MITD1: variants seen among roughly 807,000 people sequenced by gnomAD.
MITD1 encodes the protein MIT domain-containing protein 1.
In MITD1, 24 loss-of-function variants were observed where a neutral mutation model predicts 34.9. That is an observed-to-expected ratio of 0.69 (90% CI 0.50 to 0.97). The LOEUF is 0.97. Among genes scored for constraint, MITD1 ranks in the 50% least tolerant of loss-of-function variants. The probability of loss-of-function intolerance (pLI) is 0.00; values close to 1 mark genes in which losing one functional copy is unlikely to be tolerated. For missense variants in MITD1, 266 were observed against 294.6 expected (o/e 0.90, Z 0.71); for synonymous variants, 102 against 101.4 (o/e 1.01, Z -0.04).
chr2:99,162,046 A>C, exon 8 of MITD1: 1 of 1,614,186 alleles, frequency 6.2e-7, no homozygotes, highest in Non-Finnish European at 8.5e-7. Context: ...ACAGTAAAAA[A>C]TGGGCTCATT....
chr2:99,163,364 C>G (rs1029765599), intron 7 of MITD1, among the ~76,000 whole-genome samples: 1 of 152,012 alleles, frequency 6.6e-6, no homozygotes, highest in African/African-American at 2.4e-5. Flanking sequence ...GAGACTCACT[C>G]TCACCCAGGC....
At chr2:99,167,928 C>A (rs1224896080), downstream of MITD1, among the ~76,000 whole-genome samples, 1 of 152,140 alleles carries the variant, frequency 6.6e-6, no homozygotes, top group Non-Finnish European at 1.5e-5. Context: ...TTGTACCTAC[C>A]AGCTGTCCCA....
downstream of MITD1, among the ~76,000 whole-genome samples, chr2:99,165,047 C>T (rs1559173876): frequency 8.4e-6 from 1 of 119,332 alleles, no homozygotes; most frequent in Non-Finnish European, 2.0e-5. Context: ...CACACACACA[C>T]ACACACACAC....
At chr2:99,168,946 ATTTTTTT>A (rs1175310553), downstream of MITD1, among the ~76,000 whole-genome samples, 491 of 49,288 alleles carry the variant, frequency 1.0e-2, 7 homozygotes, top group African/African-American at 0.031. Flanking sequence ...TGCCCGGCTA[ATTTTTTT>A]TTTTTTTTTT....
chr2:99,174,003 AT>A lies in MITD1; in HGVS notation c.164del (p.Asn55IlefsTer21). The part of the protein sequence containing the change: ...LLQVLKGTKD[N>X]TKRCNLREKI... ...TTTCTCTGAGATTACATCTCTTAGT[AT>A]TATCTTTGGTACCTACAAATTTAAA... On this transcript the variant is annotated frameshift_variant, in exon 2 of 7. Transcript: ENST00000289359. LOFTEE classifies it high-confidence loss of function. 6.5e-7 allele frequency: 1 copy of A among 1,529,458 alleles called. No individual in the cohort carries two copies. Among genetic ancestry groups the A allele is most frequent in the South Asian group, 1.2e-5 (1 of 86,332 alleles). The allele number at this position is 1,529,458 out of a possible 1,614,324, so 94.7% of individuals were successfully genotyped here.
chr2:99,167,636 C>T (rs1006613238), downstream of MITD1, among the ~76,000 whole-genome samples: 1 of 152,140 alleles, frequency 6.6e-6, no homozygotes, highest in Non-Finnish European at 1.5e-5. Context: ...AGAGGCCTAA[C>T]ACATGTTCTT....
chr2:99,180,079 TG>T, intron 1 of MITD1, among the ~76,000 whole-genome samples: 1 of 152,296 alleles, frequency 6.6e-6, no homozygotes, highest in Non-Finnish European at 1.5e-5. Flanking sequence ...AGGGTTGTGC[TG>T]GGTGTTAAGG....
At chr2:99,165,581 G>C (rs1451953179), downstream of MITD1, among the ~76,000 whole-genome samples, 1 of 152,114 alleles carries the variant, frequency 6.6e-6, no homozygotes, top group African/African-American at 2.4e-5. Context: ...TAAGTCATGA[G>C]AATGAATAAT....
exon 8 of MITD1, chr2:99,162,073 A>T: frequency 6.2e-7 from 1 of 1,614,166 alleles, no homozygotes; most frequent in South Asian, 1.1e-5. Flanking sequence ...TCAATTTCCA[A>T]TGATGTCTAT....
rs1260250972 is a variant in MITD1, at chr2:99,169,593, A to T, written c.611T>A (p.Met204Lys). 2 of 1,607,534 alleles carry T rather than the reference A, an allele frequency of 1.2e-6. No homozygotes were observed. Among genetic ancestry groups the T allele is most frequent in the Admixed American group, 3.3e-5 (2 of 60,012 alleles). The change falls in exon 6 of 7, where the codon ATG (methionine) becomes AAG (lysine). Residue 204 changes from methionine (M) to lysine (K), a missense_variant. Physicochemically the swap from Met to Lys is moderately conservative, Grantham distance 95. Transcript: ENST00000289359. ...DREIRFNNGW[M>K]IKIGRGLDYF... ...ATCAAGTCCCCTTCCAATCTTAATC[A>T]TCCATCCATTGTTGAACCTGTTGAA...
At chr2:99,175,770 T>C (rs1217930129) in intron 1 of MITD1, among the ~76,000 whole-genome samples, 1 of 152,194 alleles carries the variant, frequency 6.6e-6, no homozygotes, top group Non-Finnish European at 1.5e-5. Flanking sequence ...AATTAAATAG[T>C]ATGGGCTCAG....
chr2:99,179,782 C>G (rs752857984), intron 1 of MITD1, among the ~76,000 whole-genome samples: 16 of 151,990 alleles, frequency 1.1e-4, no homozygotes, highest in Non-Finnish European at 1.5e-4. Flanking sequence ...AGGATGGTCT[C>G]GATCTCTTGA....
At chr2:99,170,197 T>C (rs935819699) in intron 5 of MITD1, among the ~76,000 whole-genome samples, 20 of 152,184 alleles carry the variant, frequency 1.3e-4, no homozygotes, top group African/African-American at 4.6e-4. Context: ...ATTAAGTAAA[T>C]ATTAAGTTCA....
chr2:99,174,018 T>G lies in MITD1; in HGVS notation c.152-2A>C. ...ATCTCTTAGTATTATCTTTGGTACC[T>G]ACAAATTTAAAAATATATATTATCA... is the stretch of plus-strand genomic sequence containing the variant. On this transcript the variant is annotated splice_acceptor_variant, in intron 1 of 6. Transcript: ENST00000289359. LOFTEE classifies it high-confidence loss of function. 8.2e-6 allele frequency: 11 copies of G among 1,339,666 alleles called. No homozygotes were observed. The highest frequency in any genetic ancestry group is 1.2e-5 in the Non-Finnish European group (11 of 953,114). The allele number at this position is 1,339,666 out of a possible 1,614,324, so 83.0% of individuals were successfully genotyped here. A position where few individuals can be genotyped will look rare whatever the true frequency, so the allele number is the denominator to read the frequency against.
intron 1 of MITD1, among the ~76,000 whole-genome samples, chr2:99,179,539 G>A (rs554508982): frequency 1.8e-4 from 28 of 152,146 alleles, no homozygotes; most frequent in South Asian, 4.2e-4. Context: ...ATCAAATAAT[G>A]CCCCAGGCAA....
intron 5 of MITD1, 68 bp downstream of exon 5, chr2:99,170,469 T>C (rs1039856982): frequency 6.4e-6 from 3 of 472,192 alleles, no homozygotes; most frequent in African/African-American, 2.0e-5. Context: ...GGCAATTATA[T>C]AAAACATTTA....
chr2:99,180,520 C>A (rs1218734602), intron 1 of MITD1, among the ~76,000 whole-genome samples: 1 of 152,120 alleles, frequency 6.6e-6, no homozygotes, highest in Non-Finnish European at 1.5e-5. Context: ...CTAATAGATC[C>A]AAAAATGTCT....
chr2:99,166,109 T>A (rs1293838629), downstream of MITD1, among the ~76,000 whole-genome samples: 1 of 152,022 alleles, frequency 6.6e-6, no homozygotes, highest in East Asian at 1.9e-4. Flanking sequence ...CCTTTTTTGC[T>A]TATATCAGGT....
intron 7 of MITD1, chr2:99,162,476 T>A (rs761414180): frequency 6.2e-7 from 1 of 1,614,138 alleles, no homozygotes; most frequent in South Asian, 1.1e-5. Context: ...GCCGGACTAC[T>A]GCCTATCACC....
Sources: gnomAD v4.1 joint callset for allele counts (sites outside exome capture counted in the v4.1 genomes callset) on GRCh38, gnomAD v4.1.1 for gene constraint, MANE v1.5 for transcripts, NCBI Gene and HGNC (gene_info 2026-07-23, HGNC 2026-07-21) for gene names.